Variants in LYRM4 observed in about 807,000 individuals in gnomAD.
LYRM4 encodes the protein LYR motif containing 4, also known as LYR motif-containing protein 4.
LYRM4 carries 9 observed loss-of-function variants against 11.7 expected under a neutral mutation model. The ratio of observed to expected loss-of-function variants is 0.77; its 90% CI spans 0.46 to 1.34. LYRM4 has a LOEUF of 1.34. Among genes scored for constraint, LYRM4 ranks in the 40% most tolerant of loss-of-function variants. The pLI, the probability that LYRM4 is intolerant of heterozygous loss-of-function variation, is 0.00. For synonymous variants in LYRM4, 42 were observed against 40.4 expected (o/e 1.04, Z -0.15); for missense variants, 133 against 112.5 (o/e 1.18, Z -0.82).
At chr6:5,032,447 CTA>C in the LYRM4 span, 2 of 152,112 alleles carry the variant, frequency 1.3e-5, no homozygotes, top group Admixed American at 1.3e-4. Flanking sequence ...TGAGTTATGA[CTA>C]TTGTTTTTAA....
chr6:5,090,015 G>GACACACACACACACAC, the LYRM4 span, among the ~76,000 whole-genome samples: 2,613 of 149,706 alleles, frequency 0.017, 51 homozygotes, highest in African/African-American at 0.044. This position sits in a 1 kb window ranked among gnomAD's most constrained non-coding sequence, Gnocchi z 4.8. Flanking sequence ...CTGAAAGGAA[G>GACACACACACACACAC]ACACACACAC....
intron 2 of LYRM4, among the ~76,000 whole-genome samples, chr6:5,129,769 A>G (rs1169608244): frequency 6.6e-6 from 1 of 152,236 alleles, no homozygotes; most frequent in African/African-American, 2.4e-5. Flanking sequence ...TTATTTTTAA[A>G]AATGTAATGT....
chr6:5,186,059 AGGAGCT>A, intron 2 of LYRM4, among the ~76,000 whole-genome samples: 1 of 152,332 alleles, frequency 6.6e-6, no homozygotes, highest in Admixed American at 6.5e-5. Flanking sequence ...GTATCTGTGC[AGGAGCT>A]GGTTCAGCGC....
chr6:5,115,859 G>A (rs995596641), intron 2 of LYRM4, among the ~76,000 whole-genome samples: 3 of 152,108 alleles, frequency 2.0e-5, no homozygotes, highest in Non-Finnish European at 2.9e-5. Context: ...ACAGAGATGC[G>A]TGTCTGTCTG....
At chr6:5,061,203 A>G in the LYRM4 span, among the ~76,000 whole-genome samples, 1 of 151,868 alleles carries the variant, frequency 6.6e-6, no homozygotes. Context: ...CATTTCTTCT[A>G]TTTTTCTGAT....
chr6:5,110,790 C>T (rs1374425236), intron 2 of LYRM4, among the ~76,000 whole-genome samples: 2 of 152,190 alleles, frequency 1.3e-5, no homozygotes. Flanking sequence ...TGTCTTCAGT[C>T]GTCCTTTCCT....
At chr6:5,256,491 GAAAAAAAAAAAAAAAAAA>G (rs1161084364) in intron 1 of LYRM4, among the ~76,000 whole-genome samples, 10 of 43,878 alleles carry the variant, frequency 2.3e-4, no homozygotes, top group Non-Finnish European at 1.8e-4. Context: ...ATTTCAACTG[GAAAAAAAAAAAAAAAAAA>G]AAAAAAAAAA....
At chr6:5,204,936 G>A (rs375788871) in intron 2 of LYRM4, among the ~76,000 whole-genome samples, 52 of 152,344 alleles carry the variant, frequency 3.4e-4, no homozygotes, top group Middle Eastern at 3.4e-3. Context: ...CAGAAAGCAA[G>A]TCAGAGTCTG....
At chr6:5,135,607 T>C (rs1581350230) in intron 2 of LYRM4, among the ~76,000 whole-genome samples, 1 of 151,988 alleles carries the variant, frequency 6.6e-6, no homozygotes, top group Admixed American at 6.6e-5. Flanking sequence ...CCCTAGGTGG[T>C]GTTCATTTCC....
At chr6:5,104,800 T>G (rs1256763812), downstream of LYRM4, 2 of 152,150 alleles carry the variant, frequency 1.3e-5, no homozygotes, top group African/African-American at 2.4e-5. Flanking sequence ...CTCCTGAGAC[T>G]CCTCCTAGAC....
intron 1 of LYRM4, among the ~76,000 whole-genome samples, chr6:5,232,183 C>A (rs1375446095): frequency 6.6e-6 from 1 of 152,218 alleles, no homozygotes; most frequent in Non-Finnish European, 1.5e-5. Flanking sequence ...ACTCTTACTG[C>A]CACAGGATTG....
intron 2 of LYRM4, among the ~76,000 whole-genome samples, chr6:5,129,443 C>G (rs1763844528): frequency 6.6e-6 from 1 of 152,178 alleles, no homozygotes; most frequent in Non-Finnish European, 1.5e-5. Flanking sequence ...GCTTGTATGG[C>G]CTCCTGCGTT....
chr6:5,216,231 G>A lies in LYRM4; in HGVS notation c.207+387C>T, dbSNP rs531694252. Among the ~76,000 whole-genome samples, 77 of 152,142 alleles carry A rather than the reference G, an allele frequency of 5.1e-4. 1 individual carries two copies. The highest frequency in any genetic ancestry group is 4.9e-4 in the Non-Finnish European group (33 of 68,038). Reference sequence around the variant, plus strand: ...ATGGTGTCTTCAAGAAAAGGGCCACGTTCTGTTTATCCTGAATTATGATTA... The same window carrying A: ...ATGGTGTCTTCAAGAAAAGGGCCACATTCTGTTTATCCTGAATTATGATTA... On this transcript the variant is annotated intron_variant, in intron 2 of 2. Transcript: ENST00000330636.
At chr6:5,119,046 G>C (rs1411078865) in intron 2 of LYRM4, among the ~76,000 whole-genome samples, 1 of 152,194 alleles carries the variant, frequency 6.6e-6, no homozygotes, top group African/African-American at 2.4e-5. Flanking sequence ...AAGGCCATGT[G>C]AAAGAAGCCA....
chr6:5,076,238 G>A, the LYRM4 span, among the ~76,000 whole-genome samples: 1 of 150,874 alleles, frequency 6.6e-6, no homozygotes, highest in African/African-American at 2.5e-5. Flanking sequence ...GAGCCTCTGC[G>A]CCCAGCTATT....
the LYRM4 span, chr6:5,066,242 G>T: frequency 1.4e-6 from 1 of 724,544 alleles, no homozygotes; most frequent in Non-Finnish European, 2.6e-6. Flanking sequence ...CTTCATACAT[G>T]ATACAAGTCT....
chr6:5,254,523 T>G (rs998409701), intron 1 of LYRM4, among the ~76,000 whole-genome samples: 1 of 152,238 alleles, frequency 6.6e-6, no homozygotes, highest in African/African-American at 2.4e-5. Flanking sequence ...CAATTACTTT[T>G]GCACCAACTT....
the LYRM4 span, among the ~76,000 whole-genome samples, chr6:5,093,681 C>G: frequency 6.6e-6 from 1 of 152,226 alleles, no homozygotes; most frequent in Admixed American, 6.5e-5. Flanking sequence ...AATTTGGCCC[C>G]ATTCTCTGTA....
chr6:5,037,642 AT>A, the LYRM4 span, among the ~76,000 whole-genome samples: 5 of 48,826 alleles, frequency 1.0e-4, no homozygotes, highest in African/African-American at 2.7e-4. Flanking sequence ...CGGGGGGCTG[AT>A]CCCCCCACCT....
Sources: allele counts gnomAD v4.1 joint callset (sites outside exome capture counted in the v4.1 genomes callset), GRCh38; gene constraint gnomAD v4.1.1; non-coding constraint Gnocchi (gnomAD v3.1); transcripts MANE v1.5; gene names NCBI Gene and HGNC (gene_info 2026-07-23, HGNC 2026-07-21).